The following OPCML variants were observed in gnomAD, a reference collection of about 807,000 sequenced individuals.
The protein encoded by OPCML is opioid-binding protein/cell adhesion molecule.
In OPCML, 13 loss-of-function variants were observed where a neutral mutation model predicts 37.8. The observed-to-expected ratio is 0.34, with a 90% confidence interval of 0.22 to 0.55. The LOEUF is 0.55. Ranked by LOEUF, OPCML falls within the 20% of genes least tolerant of loss-of-function variation. OPCML has a pLI of 0.91. For missense variants in OPCML, 341 were observed against 435.6 expected, an observed-to-expected ratio of 0.78 and a Z score of 1.93; for synonymous variants, 176 against 168.8, an observed-to-expected ratio of 1.04 and a Z score of -0.33.
At chr11:132,712,477 G>A (rs764630653) in intron 2 of OPCML, among the ~76,000 whole-genome samples, 2 of 152,112 alleles carry the variant, frequency 1.3e-5, no homozygotes, top group African/African-American at 2.4e-5. Flanking sequence ...GTCTGACACC[G>A]GGCACACTGT....
At chr11:132,925,459 A>G (rs1944955112) in intron 2 of OPCML, among the ~76,000 whole-genome samples, 1 of 152,190 alleles carries the variant, frequency 6.6e-6, no homozygotes, top group African/African-American at 2.4e-5. Context: ...TCCTCTGGGA[A>G]TGTTTCCAAA....
chr11:132,940,415 T>G lies in OPCML; in HGVS notation c.146+2511A>C, dbSNP rs1009822843. Among the ~76,000 whole-genome samples the G allele has an allele frequency of 3.9e-5, 6 of 152,348 alleles. No homozygotes were observed. The East Asian group carries it at 9.6e-4, about 24-fold the overall frequency. ...TTTTTGGTGCAATCTAAACATGTGA[T>G]GCGCTTGGAACACTCAGTTCCCAGG... On this transcript the variant is annotated intron_variant, in intron 2 of 7. Coordinates refer to ENST00000524381, the MANE Select transcript of OPCML (RefSeq NM_001012393.5).
chr11:133,152,983 G>A (rs951214532), intron 1 of OPCML, among the ~76,000 whole-genome samples: 1 of 152,044 alleles, frequency 6.6e-6, no homozygotes, highest in African/African-American at 2.4e-5. Flanking sequence ...TGGCGAGGGA[G>A]CAGTCTCCAC....
chr11:133,349,259 C>T (rs1449382464), intron 1 of OPCML, among the ~76,000 whole-genome samples: 5 of 152,184 alleles, frequency 3.3e-5, no homozygotes, highest in African/African-American at 1.2e-4. Flanking sequence ...ACCATTCTCT[C>T]TGTACATTGT....
chr11:132,583,384 G>A (rs899316298), intron 3 of OPCML, among the ~76,000 whole-genome samples: 3 of 151,994 alleles, frequency 2.0e-5, no homozygotes, highest in African/African-American at 7.2e-5. Context: ...TTGTAGCCTC[G>A]AACTTTTGGC....
intron 1 of OPCML, among the ~76,000 whole-genome samples, chr11:133,264,756 A>G (rs1000575428): frequency 2.7e-5 from 3 of 110,480 alleles, no homozygotes; most frequent in African/African-American, 9.4e-5. Context: ...AAATACACAC[A>G]GCGGTTTTTA....
intron 1 of OPCML, among the ~76,000 whole-genome samples, chr11:133,119,703 T>C (rs1404251996): frequency 1.3e-5 from 2 of 152,130 alleles, no homozygotes; most frequent in Admixed American, 6.5e-5. Context: ...CGAGGAAAAC[T>C]TCACAAAGGA....
Position 132,700,713 on chromosome 11 carries a change from C to T in OPCML, c.147-43394G>A, listed in dbSNP as rs11559544. On this transcript the variant is annotated intron_variant, in intron 2 of 7. Coordinates refer to ENST00000524381, the MANE Select transcript of OPCML (RefSeq NM_001012393.5). ...TTTTGTGGTTGAACATATAATCTGT[C>T]GTGGGGAATATTCCATGTGTGCTTG... is the stretch of plus-strand genomic sequence containing the variant. Among the ~76,000 whole-genome samples, 58 of 152,138 alleles carry T rather than the reference C, an allele frequency of 3.8e-4. No individual in the cohort carries two copies. In the East Asian group the frequency reaches 0.01, roughly 26 times the overall value.
At position 132,575,866 on chromosome 11, in the gene OPCML, C is replaced by T. The variant is rs2096449255; in HGVS notation, c.380-46680G>A. On this transcript the variant is annotated intron_variant, in intron 3 of 7. Coordinates refer to ENST00000524381, the MANE Select transcript of OPCML (RefSeq NM_001012393.5). ...ACACTGCTTTATTTTTGTCTGAAAA[C>T]ATCTTTTTTGTCTTCTATTTTTTTA... 1.3e-5 allele frequency among the ~76,000 whole-genome samples: 2 copies of T among 152,028 alleles called. 1 individual carries two copies. The highest frequency in any genetic ancestry group is 4.1e-4 in the South Asian group (2 of 4,834).
intron 1 of OPCML, among the ~76,000 whole-genome samples, chr11:133,246,982 T>A (rs1285649236): frequency 6.6e-6 from 1 of 152,146 alleles, no homozygotes; most frequent in Non-Finnish European, 1.5e-5. Context: ...ATTGTGCCAG[T>A]AGCCGAAACA....
intron 2 of OPCML, among the ~76,000 whole-genome samples, chr11:132,892,271 C>T (rs958755669): frequency 3.3e-5 from 5 of 152,056 alleles, no homozygotes; most frequent in African/African-American, 1.2e-4. Flanking sequence ...ATCCTAAAGG[C>T]ATATCCAGGA....
intron 1 of OPCML, among the ~76,000 whole-genome samples, chr11:133,120,703 G>A (rs934019183): frequency 1.4e-4 from 22 of 152,254 alleles, no homozygotes; most frequent in African/African-American, 4.8e-4. Flanking sequence ...AGTTTGGAGG[G>A]GTTAGTTTTG....
chr11:133,115,407 G>C (rs1287600345), intron 1 of OPCML, among the ~76,000 whole-genome samples: 3 of 152,174 alleles, frequency 2.0e-5, no homozygotes, highest in African/African-American at 4.8e-5. Context: ...CCGAGGAACC[G>C]ATCTCCCCGG....
At chr11:132,590,779 T>C (rs1040650092) in intron 3 of OPCML, among the ~76,000 whole-genome samples, 2 of 152,168 alleles carry the variant, frequency 1.3e-5, no homozygotes, top group Non-Finnish European at 2.9e-5. Context: ...TGTGGGCCAC[T>C]GTCCAACACA....
At chr11:132,616,278 G>T (rs376717578) in intron 3 of OPCML, among the ~76,000 whole-genome samples, 1 of 152,268 alleles carries the variant, frequency 6.6e-6, no homozygotes, top group East Asian at 1.9e-4. Context: ...TTACACACAC[G>T]CATACCGGTT....
At chr11:133,119,079 G>A (rs895850485) in intron 1 of OPCML, among the ~76,000 whole-genome samples, 3 of 152,076 alleles carry the variant, frequency 2.0e-5, no homozygotes, top group Admixed American at 6.6e-5. Flanking sequence ...TCATGCCAGC[G>A]CTTGGCAAGT....
At chr11:132,960,349 G>A (rs1591849611) in intron 1 of OPCML, among the ~76,000 whole-genome samples, 1 of 152,196 alleles carries the variant, frequency 6.6e-6, no homozygotes. Context: ...TTAGTACAGA[G>A]AGAATCCCGT....
intron 1 of OPCML, among the ~76,000 whole-genome samples, chr11:133,283,953 C>T (rs369181468): frequency 1.3e-5 from 2 of 152,162 alleles, no homozygotes; most frequent in Admixed American, 6.5e-5. Context: ...GCTTCCCCCC[C>T]CAGTACCTAA....
chr11:133,422,505 C>T lies in OPCML; in HGVS notation c.61+109759G>A, dbSNP rs1945912955. On this transcript the variant is annotated intron_variant, in intron 1 of 7. Transcript: ENST00000524381. ...GCTTAGCGTCTTGCTAGGAACCACT[C>T]ATTTCTGTTTTTAGAGACGGGGTCC... is the stretch of plus-strand genomic sequence containing the variant. 4.1e-6 allele frequency: 4 copies of T among 982,838 alleles called. No individual in the cohort carries two copies. In the South Asian group the frequency reaches 1.4e-4, roughly 35 times the overall value. 60.9% of individuals were successfully genotyped at this position (982,838 alleles called of 1,614,324 possible). A position where few individuals can be genotyped will look rare whatever the true frequency, so the allele number is the denominator to read the frequency against.
Sources: gnomAD v4.1 joint callset for allele counts (sites outside exome capture counted in the v4.1 genomes callset) on GRCh38, gnomAD v4.1.1 for gene constraint, MANE v1.5 for transcripts, NCBI Gene and HGNC (gene_info 2026-07-23, HGNC 2026-07-21) for gene names.